NUP93: variants seen among roughly 807,000 people sequenced by gnomAD.
The protein encoded by NUP93 is nucleoporin 93.
NUP93 carries 55 observed loss-of-function variants against 107.8 expected under a neutral mutation model. The ratio of observed to expected loss-of-function variants is 0.51; its 90% confidence interval spans 0.41 to 0.64. The LOEUF is 0.64. Among genes scored for constraint, NUP93 ranks in the 30% least tolerant of loss-of-function variants. The probability of loss-of-function intolerance (pLI) is 0.00; values close to 1 mark genes in which losing one functional copy is unlikely to be tolerated. For synonymous variants in NUP93, 390 were observed against 397.5 expected, an observed-to-expected ratio of 0.98 and a Z score of 0.22; for missense variants, 937 against 1,044.7, an observed-to-expected ratio of 0.90 and a Z score of 1.42.
At chr16:56,771,073 T>C (rs764720836) in intron 3 of NUP93, among the ~76,000 whole-genome samples, 36 of 152,242 alleles carry the variant, frequency 2.4e-4, no homozygotes, top group Non-Finnish European at 3.4e-4. Context: ...ATCATTTCAT[T>C]GTCCCCTCAA....
intron 4 of NUP93, among the ~76,000 whole-genome samples, chr16:56,799,201 G>A (rs1962967256): frequency 6.6e-6 from 1 of 152,022 alleles, no homozygotes; most frequent in Non-Finnish European, 1.5e-5. Flanking sequence ...CTTCAACTTA[G>A]TTTCCTTTTA....
intron 3 of NUP93, among the ~76,000 whole-genome samples, 198 bp downstream of exon 3, chr16:56,758,853 C>T (rs571190031): frequency 6.6e-6 from 1 of 152,296 alleles, no homozygotes; most frequent in Non-Finnish European, 1.5e-5. Context: ...CTCTGTGTGG[C>T]TGAATTTAAG....
intron 5 of NUP93, among the ~76,000 whole-genome samples, chr16:56,808,814 A>G (rs1470085095): frequency 6.8e-6 from 1 of 146,448 alleles, no homozygotes; most frequent in Admixed American, 6.9e-5. Flanking sequence ...ATATATAAAT[A>G]TAAATACATA....
intron 3 of NUP93, among the ~76,000 whole-genome samples, chr16:56,776,403 G>A (rs902455336): frequency 1.1e-4 from 17 of 152,064 alleles, no homozygotes; most frequent in African/African-American, 4.1e-4. Context: ...AGGTTTTAGT[G>A]TCTTTTCTTT....
chr16:56,740,129 C>CCCG (rs1236509207), intron 1 of NUP93, among the ~76,000 whole-genome samples: 10 of 145,250 alleles, frequency 6.9e-5, no homozygotes, highest in Non-Finnish European at 1.4e-4. Context: ...GGGGGCTGAC[C>CCCG]CCCCCACCTC....
Position 56,748,418 on chromosome 16 carries a change from T to G in NUP93, c.171T>G (p.Asp57Glu), listed in dbSNP as rs1325612070. ...TLTRTSQETA[D>E]VKASVLLGSR... ...CACGCACGTCCCAGGAGACGGCAGA[T>G]GTCAAGGCGTGAGTACTGGTAGGGA... The change falls in exon 2 of 22, where the codon GAT becomes GAG. Residue 57 changes from aspartate (D) to glutamate (E), a missense_variant. Coordinates refer to ENST00000308159, the MANE Select transcript of NUP93 (RefSeq NM_014669.5). 8 of 1,612,050 alleles carry G rather than the reference T, an allele frequency of 5.0e-6. No individual in the cohort carries two copies. Among genetic ancestry groups the G allele is most frequent in the Non-Finnish European group, 5.9e-6 (7 of 1,178,720 alleles).
chr16:56,790,049 A>T (rs562094352), intron 3 of NUP93, among the ~76,000 whole-genome samples: 29 of 152,182 alleles, frequency 1.9e-4, no homozygotes, highest in Non-Finnish European at 3.8e-4. Context: ...GTGAACCCAG[A>T]TGGTGCCACT....
At position 56,764,276 on chromosome 16, in the gene NUP93, A is replaced by T. The variant is rs141117668; in HGVS notation, c.297+5621A>T. On this transcript the variant is annotated intron_variant, in intron 3 of 21. Transcript: ENST00000308159. ...GAGGCCGAGGCGGGCAGATCACTTG[A>T]GGTTAGAAGTTCAAGATCAGCCTAG... Among the ~76,000 whole-genome samples the T allele has an allele frequency of 5.3e-5, 8 of 152,288 alleles. No individual in the cohort carries two copies. The East Asian group carries it at 1.4e-3, about 26-fold the overall frequency.
intron 1 of NUP93, among the ~76,000 whole-genome samples, chr16:56,740,498 T>A (rs1465558992): frequency 4.1e-5 from 6 of 144,688 alleles, no homozygotes; most frequent in African/African-American, 1.3e-4. Context: ...CCTCACTTCC[T>A]AGATGGGATG....
rs139979628 is a variant in NUP93 at position 56,749,605 on chromosome 16, A to G, written c.179+1179A>G. ...GAGAAAGAACTAAGTGCTGGTGTTA[A>G]TGTGGGACATCGTCTGCTCTAAGCA... On this transcript the variant is annotated intron_variant, in intron 2 of 21. Coordinates refer to ENST00000308159, the MANE Select transcript of NUP93 (RefSeq NM_014669.5). Among the ~76,000 whole-genome samples, 33 of 152,318 alleles carry G rather than the reference A, an allele frequency of 2.2e-4. No homozygotes were observed. In the East Asian group the frequency reaches 3.7e-3, roughly 17 times the overall value.
Position 56,844,643 on chromosome 16 carries a change from C to A in NUP93, c.*34C>A. Reference sequence around the variant, plus strand: ...CTTTGTGGGAGTCTGGGTCGGCACACTGTCAGTACATCAGGCACATGGGCC... The same window carrying A: ...CTTTGTGGGAGTCTGGGTCGGCACAATGTCAGTACATCAGGCACATGGGCC... On this transcript the variant is annotated 3_prime_UTR_variant, in exon 22 of 22. Coordinates refer to ENST00000308159, the MANE Select transcript of NUP93 (RefSeq NM_014669.5). The A allele has an allele frequency of 1.4e-6, 2 of 1,433,258 alleles. No homozygotes were observed. Among genetic ancestry groups the A allele is most frequent in the South Asian group, 2.5e-5 (2 of 80,066 alleles). The allele number at this position is 1,433,258 out of a possible 1,614,324, so 88.8% of individuals were successfully genotyped here.
intron 5 of NUP93, among the ~76,000 whole-genome samples, chr16:56,810,338 T>C (rs1010283172): frequency 2.0e-5 from 3 of 152,222 alleles, no homozygotes; most frequent in African/African-American, 4.8e-5. Context: ...GACGTAAGTA[T>C]GCAACTCAGG....
At chr16:56,756,800 A>T (rs1466722261) in intron 2 of NUP93, among the ~76,000 whole-genome samples, 1 of 152,154 alleles carries the variant, frequency 6.6e-6, no homozygotes, top group Non-Finnish European at 1.5e-5. Flanking sequence ...CCTTGCCAAC[A>T]TCTATTATTT....
chr16:56,794,430 C>T (rs1276573953), intron 3 of NUP93, among the ~76,000 whole-genome samples: 3 of 151,988 alleles, frequency 2.0e-5, no homozygotes, highest in Non-Finnish European at 4.4e-5. Context: ...AGTAATCTAT[C>T]CCAAAACAAT....
rs1596843391 is a variant in NUP93 at position 56,823,807 on chromosome 16, T to A, written c.755T>A (p.Met252Lys). The A allele has an allele frequency of 1.2e-6, 2 of 1,614,108 alleles. No homozygotes were observed. Among genetic ancestry groups the A allele is most frequent in the Non-Finnish European group, 1.7e-6 (2 of 1,180,014 alleles). ...LKNRSSVEVR[M>K]EFVRQALAYL... ...AACCGCAGCAGCGTGGAAGTGCGCA[T>A]GGAGTTTGTCAGGCAGGCCTTGGCG... The change falls in exon 8 of 22, where the codon ATG becomes AAG. Residue 252 changes from methionine to lysine, a missense_variant. By Grantham distance (95) the Met-to-Lys change is moderately conservative (BLOSUM62 -1). Coordinates refer to ENST00000308159, the MANE Select transcript of NUP93 (RefSeq NM_014669.5).
intron 1 of NUP93, among the ~76,000 whole-genome samples, chr16:56,738,489 T>G (rs1462683721): frequency 6.6e-6 from 1 of 152,212 alleles, no homozygotes; most frequent in Non-Finnish European, 1.5e-5. Context: ...GTCTTTTTCT[T>G]CTGTCTAGGT....
chr16:56,836,788 A>G, intron 17 of NUP93, 71 bp downstream of exon 17: 1 of 957,304 alleles, frequency 1.0e-6, no homozygotes. Flanking sequence ...ATGTGCAGCC[A>G]CTTGGACAGT....
At chr16:56,747,238 G>A (rs1283331207) in intron 1 of NUP93, among the ~76,000 whole-genome samples, 1 of 152,172 alleles carries the variant, frequency 6.6e-6, no homozygotes, top group African/African-American at 2.4e-5. Context: ...GACCTCAGGC[G>A]ATCTGCCCGC....
At chr16:56,810,568 G>A (rs1436793825) in intron 5 of NUP93, among the ~76,000 whole-genome samples, 6 of 152,044 alleles carry the variant, frequency 3.9e-5, no homozygotes, top group African/African-American at 1.5e-4. Flanking sequence ...GAAGGTTGGG[G>A]CTGCAGTGAG....
Sources: gnomAD v4.1 joint callset for allele counts (sites outside exome capture counted in the v4.1 genomes callset) on GRCh38, gnomAD v4.1.1 for gene constraint, MANE v1.5 for transcripts, NCBI Gene and HGNC (gene_info 2026-07-23, HGNC 2026-07-21) for gene names.